The following CDH13 variants were observed in gnomAD, a reference collection of about 807,000 sequenced individuals.
CDH13 encodes cadherin 13, also known as cadherin-13.
A neutral mutation model predicts 63.8 loss-of-function variants in CDH13; 24 were observed. The observed-to-expected ratio is 0.38, with a 90% CI of 0.27 to 0.53. CDH13 has a LOEUF of 0.53. Ranked by LOEUF, CDH13 falls within the 20% of genes least tolerant of loss-of-function variation. The pLI is 0.85. For synonymous variants in CDH13, 503 were observed against 355.3 expected (o/e 1.42, Z -4.67); for missense variants, 1,049 against 903.1 (o/e 1.16, Z -2.07).
At chr16:83,556,948 C>T (rs527980537) in intron 7 of CDH13, among the ~76,000 whole-genome samples, 5 of 152,282 alleles carry the variant, frequency 3.3e-5, no homozygotes, top group Non-Finnish European at 7.4e-5. Context: ...AACTCTCAAC[C>T]GATTTTCTAC....
chr16:82,754,647 G>A (rs2151074419), intron 1 of CDH13, among the ~76,000 whole-genome samples: 1 of 152,260 alleles, frequency 6.6e-6, no homozygotes, highest in African/African-American at 2.4e-5. Flanking sequence ...CAATATTATA[G>A]TTTTATTTAT....
At chr16:83,062,244 C>T (rs1360568573) in intron 3 of CDH13, among the ~76,000 whole-genome samples, 1 of 152,146 alleles carries the variant, frequency 6.6e-6, no homozygotes. Flanking sequence ...AAATTGAGTA[C>T]CCCCTGTCAG....
chr16:83,675,625 T>G (rs1194596947), intron 9 of CDH13, among the ~76,000 whole-genome samples: 2 of 152,218 alleles, frequency 1.3e-5, no homozygotes, highest in African/African-American at 4.8e-5. Context: ...ACATTCATCC[T>G]GTCCGCTGAT....
chr16:83,466,619 C>T (rs1317928653), intron 6 of CDH13, among the ~76,000 whole-genome samples: 1 of 152,236 alleles, frequency 6.6e-6, no homozygotes, highest in Non-Finnish European at 1.5e-5. Flanking sequence ...ATGTGTACAG[C>T]TCATGTCCCA....
At chr16:83,790,098 C>G (rs543782420) in intron 13 of CDH13, 73 of 152,332 alleles carry the variant, frequency 4.8e-4, no homozygotes, top group African/African-American at 1.7e-3. Context: ...TCTGTATTTT[C>G]TTCAGTGGTC....
At chr16:83,789,379 C>T (rs1916108498) in intron 13 of CDH13, among the ~76,000 whole-genome samples, 1 of 139,284 alleles carries the variant, frequency 7.2e-6, no homozygotes, top group Admixed American at 7.9e-5. Context: ...CTGAGTCTTG[C>T]TCTGTCACCC....
intron 1 of CDH13, among the ~76,000 whole-genome samples, chr16:82,673,244 G>A (rs1913507300): frequency 6.6e-6 from 1 of 151,872 alleles, no homozygotes; most frequent in Admixed American, 6.6e-5. Context: ...CCTTCCTTTT[G>A]TTTCTCTTCT....
At position 83,795,173 on chromosome 16, in the gene CDH13, C is replaced by T. The variant is rs1904275674; in HGVS notation, c.*143C>T. The T allele has an allele frequency of 3.1e-6, 2 of 651,528 alleles. No homozygotes were observed. The highest frequency in any genetic ancestry group is 2.6e-6 in the Non-Finnish European group (1 of 379,424). The allele number at this position is 651,528 out of a possible 1,614,324, so 40.4% of individuals were successfully genotyped here. A position where few individuals can be genotyped will look rare whatever the true frequency, so the allele number is the denominator to read the frequency against. On this transcript the variant is annotated 3_prime_UTR_variant, in exon 14 of 14. Coordinates refer to ENST00000567109, the MANE Select transcript of CDH13 (RefSeq NM_001257.5). ...TTGTTCCGGTTTTTTATTTTCTTTA[C>T]AATTTCACTTAGTCTGTACTTCATC...
At chr16:83,018,074 C>T (rs1914976852) in intron 2 of CDH13, among the ~76,000 whole-genome samples, 1 of 152,148 alleles carries the variant, frequency 6.6e-6, no homozygotes, top group Non-Finnish European at 1.5e-5. Context: ...TATGATGGGC[C>T]AGTGAAAAGC....
At chr16:83,262,133 T>C (rs17678609) in intron 5 of CDH13, among the ~76,000 whole-genome samples, 29,338 of 152,198 alleles carry the variant, frequency 0.19, 2,972 homozygotes, top group East Asian at 0.25. Context: ...AACTGGCTTA[T>C]TGTCTTTTAA....
At chr16:83,602,107 C>CAAAAAAAAAAAAAAAAAAA (rs869202510) in intron 7 of CDH13, among the ~76,000 whole-genome samples, 2 of 7,958 alleles carry the variant, frequency 2.5e-4, no homozygotes, top group Non-Finnish European at 3.7e-4. Flanking sequence ...AGAACAACAA[C>CAAAAAAAAAAAAAAAAAAA]AAAAAAAAAA....
chr16:82,845,666 A>G (rs2039225158), intron 1 of CDH13, among the ~76,000 whole-genome samples: 1 of 152,186 alleles, frequency 6.6e-6, no homozygotes, highest in Admixed American at 6.5e-5. Flanking sequence ...GAACTCCCTG[A>G]GGCTACTAAG....
intron 6 of CDH13, among the ~76,000 whole-genome samples, chr16:83,403,559 C>T (rs1042596402): frequency 6.6e-6 from 1 of 152,050 alleles, no homozygotes; most frequent in African/African-American, 2.4e-5. Context: ...GGAGGCAGAG[C>T]TTGCAGTGAC....
intron 7 of CDH13, among the ~76,000 whole-genome samples, chr16:83,552,722 C>A (rs1461167262): frequency 6.6e-6 from 1 of 152,150 alleles, no homozygotes; most frequent in Non-Finnish European, 1.5e-5. Flanking sequence ...TGAAACCTGG[C>A]AAAAGAGATT....
chr16:83,318,315 T>G (rs530461910), intron 5 of CDH13, among the ~76,000 whole-genome samples: 1 of 152,284 alleles, frequency 6.6e-6, no homozygotes, highest in East Asian at 1.9e-4. Context: ...ATCTAATCAC[T>G]CCATTTTCTT....
chr16:82,878,761 C>A (rs1399215221), intron 2 of CDH13, among the ~76,000 whole-genome samples: 1 of 151,796 alleles, frequency 6.6e-6, no homozygotes, highest in Non-Finnish European at 1.5e-5. Context: ...TCAGATATTG[C>A]CATCTTTTCC....
At chr16:82,741,769 T>C (rs542291106) in intron 1 of CDH13, among the ~76,000 whole-genome samples, 46 of 152,280 alleles carry the variant, frequency 3.0e-4, no homozygotes, top group African/African-American at 1.0e-3. Context: ...ATTTTTCAAA[T>C]AGGGAATTAT....
chr16:83,683,047 C>T (rs1423847), intron 10 of CDH13, among the ~76,000 whole-genome samples: 44,156 of 152,154 alleles, frequency 0.29, 6,465 homozygotes, highest in Middle Eastern at 0.37. Context: ...CGGCTGACCG[C>T]GGCCAGACAC....
At chr16:83,039,444 A>G (rs1278249446) in intron 3 of CDH13, among the ~76,000 whole-genome samples, 1 of 152,096 alleles carries the variant, frequency 6.6e-6, no homozygotes, top group African/African-American at 2.4e-5. Flanking sequence ...CCCCATCCCA[A>G]GAAAGGATCT....
Sources: gnomAD v4.1 joint callset for allele counts (sites outside exome capture counted in the v4.1 genomes callset) on GRCh38, gnomAD v4.1.1 for gene constraint, MANE v1.5 for transcripts, NCBI Gene and HGNC (gene_info 2026-07-23, HGNC 2026-07-21) for gene names.